MPP7: variants seen among roughly 807,000 people sequenced by gnomAD.
MPP7 encodes MAGUK p55 subfamily member 7.
MPP7 carries 60 observed loss-of-function variants against 76.5 expected under a neutral mutation model. The observed-to-expected ratio is 0.78, with a 90% CI of 0.64 to 0.97. The LOEUF is 0.97. Ranked by LOEUF, MPP7 falls within the 50% of genes least tolerant of loss-of-function variation. The probability of loss-of-function intolerance (pLI) is 0.00; values close to 1 mark genes in which losing one functional copy is unlikely to be tolerated. For missense variants in MPP7, 641 were observed against 694.0 expected, an observed-to-expected ratio of 0.92 and a Z score of 0.86; for synonymous variants, 237 against 244.5, an observed-to-expected ratio of 0.97 and a Z score of 0.29.
intron 1 of MPP7, among the ~76,000 whole-genome samples, chr10:28,271,985 C>T (rs1457108844): frequency 6.6e-6 from 1 of 151,552 alleles, no homozygotes; most frequent in African/African-American, 2.4e-5. Flanking sequence ...AAAAAACAAA[C>T]AAAAAAAAGA....
intron 3 of MPP7, among the ~76,000 whole-genome samples, chr10:28,151,541 C>A (rs1835883633): frequency 6.6e-6 from 1 of 152,174 alleles, no homozygotes; most frequent in South Asian, 2.1e-4. Flanking sequence ...TAAATGTCTG[C>A]TTCCCTGCTA....
chr10:28,086,142 G>C lies in MPP7; in HGVS notation c.1123+3529C>G, dbSNP rs145048785. Among the ~76,000 whole-genome samples, 968 of 152,234 alleles carry C rather than the reference G, an allele frequency of 6.4e-3. 2 individuals are homozygous for C. The highest frequency in any genetic ancestry group is 0.011 in the Admixed American group (163 of 15,288). ...CATCACACATCAGGGCCTGCGGGGT[G>C]GGGGCAAGGGGAGGGAGAGCATTAG... is the stretch of plus-strand genomic sequence containing the variant. On this transcript the variant is annotated intron_variant, in intron 12 of 16. Coordinates refer to ENST00000683449, the MANE Select transcript of MPP7 (RefSeq NM_001318170.2).
At chr10:28,076,811 G>T (rs369854310) in intron 12 of MPP7, among the ~76,000 whole-genome samples, 1 of 151,760 alleles carries the variant, frequency 6.6e-6, no homozygotes, top group African/African-American at 2.4e-5. Flanking sequence ...TTGCTTGAAC[G>T]TGGGAGGCAG....
At chr10:28,097,583 T>C (rs2133492801) in intron 11 of MPP7, among the ~76,000 whole-genome samples, 1 of 152,226 alleles carries the variant, frequency 6.6e-6, no homozygotes, top group South Asian at 2.1e-4. Flanking sequence ...TTTCAGACAT[T>C]ACCCTATATA....
chr10:28,276,396 T>C (rs1840498151), intron 1 of MPP7, among the ~76,000 whole-genome samples: 2 of 152,092 alleles, frequency 1.3e-5, no homozygotes, highest in African/African-American at 4.8e-5. Context: ...AAGACATTAA[T>C]AAATTTTAGC....
At chr10:28,215,411 A>C (rs1243421390) in intron 2 of MPP7, among the ~76,000 whole-genome samples, 2 of 152,178 alleles carry the variant, frequency 1.3e-5, no homozygotes, top group African/African-American at 2.4e-5. Context: ...ATAATCATGA[A>C]AATAAATGCA....
At chr10:28,184,732 T>C (rs1837172305) in intron 3 of MPP7, among the ~76,000 whole-genome samples, 1 of 147,890 alleles carries the variant, frequency 6.8e-6, no homozygotes, top group Non-Finnish European at 1.5e-5. Context: ...ATTATCCTAA[T>C]ATATAGTAAT....
intron 2 of MPP7, among the ~76,000 whole-genome samples, chr10:28,205,943 A>G (rs1837936298): frequency 6.6e-6 from 1 of 152,162 alleles, no homozygotes. Flanking sequence ...GAATGGGTTC[A>G]TTATATGAAG....
At chr10:28,144,548 T>C (rs1835643145) in intron 5 of MPP7, among the ~76,000 whole-genome samples, 2 of 152,186 alleles carry the variant, frequency 1.3e-5, no homozygotes, top group South Asian at 4.1e-4. Context: ...TTTTGCATTT[T>C]TACATCTTCA....
intron 2 of MPP7, among the ~76,000 whole-genome samples, chr10:28,229,233 C>T (rs562845174): frequency 6.6e-6 from 1 of 152,050 alleles, no homozygotes; most frequent in East Asian, 1.9e-4. Flanking sequence ...ATAAAAACAG[C>T]CAGAGAAAGA....
intron 2 of MPP7, among the ~76,000 whole-genome samples, chr10:28,320,827 T>G (rs566000485): frequency 1.6e-5 from 2 of 128,182 alleles, no homozygotes; most frequent in South Asian, 2.2e-4. Context: ...TGCAGTTTTT[T>G]GTTTGTTTTT....
intron 2 of MPP7, among the ~76,000 whole-genome samples, chr10:28,206,024 A>AC (rs1293029131): frequency 1.4e-4 from 22 of 152,090 alleles, no homozygotes; most frequent in Non-Finnish European, 2.2e-4. Context: ...CCCTCATCAG[A>AC]TTCTGGTTCC....
In MPP7 at chr10:28,292,067, T is replaced by C. The variant is rs80223475; in HGVS notation, c.-132+10794A>G. On this transcript the variant is annotated intron_variant, in intron 1 of 16. Transcript: ENST00000683449. ...CTTTTTTACCATATTTTTACTATAC[T>C]TTTTCTATGTTTACAGATGTTTAGA... Among the ~76,000 whole-genome samples, 1,113 of 152,316 alleles carry C rather than the reference T, an allele frequency of 7.3e-3. 6 individuals are homozygous for C. The highest frequency in any genetic ancestry group is 0.01 in the Non-Finnish European group (709 of 68,024).
chr10:28,312,938 G>A (rs77293832), intron 2 of MPP7, among the ~76,000 whole-genome samples: 2,873 of 152,276 alleles, frequency 0.019, 81 homozygotes, highest in African/African-American at 0.066. Context: ...ATGAGCTACA[G>A]CAACATAGAA....
chr10:28,213,966 T>C (rs1300289018), intron 2 of MPP7, among the ~76,000 whole-genome samples: 1 of 152,134 alleles, frequency 6.6e-6, no homozygotes, highest in Non-Finnish European at 1.5e-5. Flanking sequence ...TATTCACTCA[T>C]TCATTACAGC....
At chr10:28,313,462 C>T (rs1272081635) in intron 2 of MPP7, among the ~76,000 whole-genome samples, 1 of 152,032 alleles carries the variant, frequency 6.6e-6, no homozygotes, top group East Asian at 1.9e-4. Context: ...GCCTAGATTA[C>T]ACCACTGCAC....
intron 3 of MPP7, among the ~76,000 whole-genome samples, chr10:28,160,597 A>G (rs947730128): frequency 1.3e-5 from 2 of 152,240 alleles, no homozygotes; most frequent in Non-Finnish European, 2.9e-5. Context: ...AGGGGTCCAC[A>G]AGCCACACCT....
At chr10:28,188,414 C>CA (rs1837303400) in intron 3 of MPP7, among the ~76,000 whole-genome samples, 1 of 151,934 alleles carries the variant, frequency 6.6e-6, no homozygotes, top group African/African-American at 2.4e-5. Context: ...AAGGGGTAGG[C>CA]AATTAAGAGG....
At chr10:28,156,125 A>C (rs560163492) in intron 3 of MPP7, among the ~76,000 whole-genome samples, 1 of 152,376 alleles carries the variant, frequency 6.6e-6, no homozygotes, top group South Asian at 2.1e-4. Flanking sequence ...CTTGAAGTCA[A>C]ATACATGAGT....
Sources: allele counts gnomAD v4.1 joint callset (sites outside exome capture counted in the v4.1 genomes callset), GRCh38; gene constraint gnomAD v4.1.1; transcripts MANE v1.5; gene names NCBI Gene and HGNC (gene_info 2026-07-23, HGNC 2026-07-21).